ASIC2: variants seen among roughly 807,000 people sequenced by gnomAD.
ASIC2 encodes the protein acid sensing ion channel subunit 2.
A neutral mutation model predicts 57.3 loss-of-function variants in ASIC2; 25 were observed. The ratio of observed to expected loss-of-function variants is 0.44; its 90% CI spans 0.32 to 0.61. ASIC2 has a LOEUF of 0.61. Among genes scored for constraint, ASIC2 ranks in the 20% least tolerant of loss-of-function variants. The pLI, the probability that ASIC2 is intolerant of heterozygous loss-of-function variation, is 0.06. For synonymous variants in ASIC2, 319 were observed against 307.5 expected, an observed-to-expected ratio of 1.04 and a Z score of -0.39; for missense variants, 641 against 738.1, an observed-to-expected ratio of 0.87 and a Z score of 1.52.
intron 1 of ASIC2, among the ~76,000 whole-genome samples, chr17:34,000,057 T>G (rs1030545817): frequency 6.6e-6 from 1 of 151,690 alleles, no homozygotes; most frequent in Non-Finnish European, 1.5e-5. Flanking sequence ...ATTGTTGTTT[T>G]TTTTTTTTCT....
In ASIC2 at chr17:34,156,431, C is replaced by A. The variant is rs780737605; in HGVS notation, c.102G>T (p.Val34=). 6.2e-7 allele frequency: 1 copy of A among 1,614,212 alleles called. No individual in the cohort carries two copies. Among genetic ancestry groups the A allele is most frequent in the Non-Finnish European group, 8.5e-7 (1 of 1,180,042 alleles). The change falls in exon 1 of 10, where the codon GTG becomes GTT. Residue 34 remains valine, a synonymous_variant. Coordinates refer to the ASIC2 transcript ENST00000359872. This position sits in a 1 kb window ranked among gnomAD's most constrained non-coding sequence, Gnocchi z 4.4. Reference sequence around the variant, plus strand: ...CACGCCGGATGGTCAGCGGCCCATACACGAAGATGTGGCGGATGCCATGGA... The same window carrying A: ...CACGCCGGATGGTCAGCGGCCCATAAACGAAGATGTGGCGGATGCCATGGA...
intron 1 of ASIC2, among the ~76,000 whole-genome samples, chr17:33,950,159 T>A (rs1904512529): frequency 6.6e-6 from 1 of 152,218 alleles, no homozygotes; most frequent in South Asian, 2.1e-4. Flanking sequence ...GGTCATTGTC[T>A]CTAATCAGGC....
chr17:34,033,980 T>A (rs925862333), intron 1 of ASIC2, among the ~76,000 whole-genome samples: 1 of 152,118 alleles, frequency 6.6e-6, no homozygotes, highest in African/African-American at 2.4e-5. Flanking sequence ...CAATCAATAG[T>A]AAAAGAGGGA....
chr17:33,073,464 C>G (rs4795741), intron 3 of ASIC2, among the ~76,000 whole-genome samples: 31,682 of 152,018 alleles, frequency 0.21, 3,503 homozygotes, highest in South Asian at 0.3. Flanking sequence ...CTCTCCCTTA[C>G]CAAGCCTTAG....
intron 1 of ASIC2, among the ~76,000 whole-genome samples, chr17:33,480,494 A>G (rs1913368443): frequency 6.6e-6 from 1 of 152,136 alleles, no homozygotes; most frequent in South Asian, 2.1e-4. Flanking sequence ...AGGAATTGGA[A>G]AAAGTCCATG....
rs559934818 is a variant in ASIC2 at position 34,049,660 on chromosome 17, G to C, written c.555+106318C>G. Among the ~76,000 whole-genome samples the C allele has an allele frequency of 8.5e-5, 13 of 152,264 alleles. No individual in the cohort carries two copies. The South Asian group carries it at 2.7e-3, about 32-fold the overall frequency. ...ACTCCATCCTTTATCAAAACCCACT[G>C]TAATATTTCACATCTGCATGATATA... is the stretch of plus-strand genomic sequence containing the variant. On this transcript the variant is annotated intron_variant, in intron 1 of 9. Coordinates refer to the ASIC2 transcript ENST00000359872.
intron 1 of ASIC2, among the ~76,000 whole-genome samples, chr17:33,386,622 A>C (rs556975682): frequency 6.6e-6 from 1 of 152,290 alleles, no homozygotes; most frequent in East Asian, 1.9e-4. Flanking sequence ...ACCTAATGCC[A>C]CATCATTCTC....
intron 1 of ASIC2, among the ~76,000 whole-genome samples, chr17:33,258,237 G>C (rs1177824427): frequency 6.6e-6 from 1 of 152,154 alleles, no homozygotes; most frequent in Non-Finnish European, 1.5e-5. Flanking sequence ...AGTTACACTG[G>C]GTGCTGCCCT....
chr17:33,295,007 C>CTTCA (rs1905668398), upstream of ASIC2, among the ~76,000 whole-genome samples: 4 of 152,204 alleles, frequency 2.6e-5, no homozygotes, highest in Admixed American at 6.5e-5. Flanking sequence ...ACCTAGTGAC[C>CTTCA]TCAGTGCAGT....
intron 1 of ASIC2, among the ~76,000 whole-genome samples, chr17:34,095,661 A>ATATATATATATATATATAATAT (rs1567818967): frequency 2.0e-5 from 2 of 100,170 alleles, no homozygotes; most frequent in African/African-American, 9.2e-5. Context: ...ATATAATTTT[A>ATATATATATATATATATAATAT]TATATATATA....
At chr17:33,865,591 A>C (rs966074399) in intron 1 of ASIC2, among the ~76,000 whole-genome samples, 1 of 151,996 alleles carries the variant, frequency 6.6e-6, no homozygotes, top group African/African-American at 2.4e-5. Flanking sequence ...TCTATGGTGG[A>C]TGCTCTTTCT....
intron 1 of ASIC2, among the ~76,000 whole-genome samples, chr17:33,183,481 G>T (rs545536690): frequency 6.6e-6 from 1 of 152,154 alleles, no homozygotes; most frequent in Non-Finnish European, 1.5e-5. Context: ...TGCATGAAAA[G>T]AATGCTTAAT....
At chr17:34,097,667 GTTT>G (rs1294685929) in intron 1 of ASIC2, among the ~76,000 whole-genome samples, 1 of 152,100 alleles carries the variant, frequency 6.6e-6, no homozygotes, top group Non-Finnish European at 1.5e-5. Context: ...TTTTTTTGTG[GTTT>G]TTTAAAGATA....
At chr17:33,528,084 G>C (rs1256043124) in intron 1 of ASIC2, among the ~76,000 whole-genome samples, 1 of 151,814 alleles carries the variant, frequency 6.6e-6, no homozygotes, top group East Asian at 1.9e-4. Context: ...AGGTGTCAGG[G>C]CCAGTAAGTG....
chr17:33,096,579 G>A (rs2092180638), intron 2 of ASIC2, among the ~76,000 whole-genome samples: 1 of 152,194 alleles, frequency 6.6e-6, no homozygotes. Flanking sequence ...CAACAGCATG[G>A]TGAAGTCTCT....
At chr17:33,759,685 C>T (rs1400755839) in intron 1 of ASIC2, among the ~76,000 whole-genome samples, 1 of 152,168 alleles carries the variant, frequency 6.6e-6, no homozygotes, top group Non-Finnish European at 1.5e-5. Flanking sequence ...TCAGAGTCAC[C>T]TCAGGGCTCT....
intron 1 of ASIC2, among the ~76,000 whole-genome samples, chr17:34,122,123 T>A (rs1911640433): frequency 6.6e-6 from 1 of 152,266 alleles, no homozygotes; most frequent in South Asian, 2.1e-4. Flanking sequence ...ACTTGTTGCC[T>A]TTTAATACTT....
chr17:33,441,965 T>C (rs1911839153), intron 1 of ASIC2, among the ~76,000 whole-genome samples: 2 of 152,226 alleles, frequency 1.3e-5, no homozygotes, highest in African/African-American at 4.8e-5. Flanking sequence ...TGAGAAAATA[T>C]ATTTCTTTTC....
chr17:33,579,814 T>TGTCC (rs1387560455), intron 1 of ASIC2, among the ~76,000 whole-genome samples: 53 of 152,254 alleles, frequency 3.5e-4, no homozygotes, highest in Non-Finnish European at 6.9e-4. Context: ...ACCCCTTGGA[T>TGTCC]TTCGGCGTCT....
Sources: gnomAD v4.1 joint callset for allele counts (sites outside exome capture counted in the v4.1 genomes callset) on GRCh38, gnomAD v4.1.1 for gene constraint, Gnocchi (gnomAD v3.1) non-coding constraint, MANE v1.5 for transcripts, NCBI Gene and HGNC (gene_info 2026-07-23, HGNC 2026-07-21) for gene names.